Variants in SIRT4 observed in about 807,000 individuals in gnomAD.
SIRT4 encodes sirtuin 4.
Under a neutral mutation model 26.1 loss-of-function variants are expected in SIRT4, and 23 were observed. The ratio of observed to expected loss-of-function variants is 0.88; its 90% CI spans 0.63 to 1.25. SIRT4 has a LOEUF of 1.25. SIRT4 is among the 50% of genes most tolerant of loss of function. SIRT4 has a pLI of 0.00. For synonymous variants in SIRT4, 155 were observed against 158.4 expected (o/e 0.98, Z 0.16); for missense variants, 361 against 405.4 (o/e 0.89, Z 0.94).
At chr12:120,293,028 A>T in the SIRT4 span, 1 of 150,370 alleles carries the variant, frequency 6.7e-6, no homozygotes, top group Non-Finnish European at 1.5e-5. Flanking sequence ...GTACTCTTCA[A>T]CCTCCCAAAA....
the SIRT4 span, chr12:120,293,111 G>C: frequency 2.0e-5 from 3 of 152,118 alleles, no homozygotes; most frequent in East Asian, 3.8e-4. Flanking sequence ...CGTAGAGACT[G>C]TCAAAAATTG....
At chr12:120,301,459 T>C (rs1016226712), upstream of SIRT4, among the ~76,000 whole-genome samples, 2 of 152,230 alleles carry the variant, frequency 1.3e-5, no homozygotes, top group Non-Finnish European at 1.5e-5. Context: ...AATAACTTGA[T>C]ACTGTCGTTG....
Position 120,303,930 on chromosome 12 carries a change from T to G in SIRT4, c.369T>G (p.Pro123=). Residue 123 remains proline (P), a synonymous_variant, in exon 2 of 4, where the codon CCT becomes CCG. Coordinates refer to ENST00000202967, the MANE Select transcript of SIRT4 (RefSeq NM_012240.3). ...AATTCTCCTCCCACCAGCCTAACCC[T>G]GCACACTGGGCTTTGAGCACCTGGG... ...WPQFSSHQPN[P]AHWALSTWEK... is the part of the protein sequence containing the mutation. 1 of 1,614,184 alleles carries G rather than the reference T, an allele frequency of 6.2e-7. No individual in the cohort carries two copies. The highest frequency in any genetic ancestry group is 1.1e-5 in the South Asian group (1 of 91,086).
chr12:120,302,180 A>ACTC, upstream of SIRT4: 1 of 152,312 alleles, frequency 6.6e-6, no homozygotes, highest in African/African-American at 2.4e-5. Context: ...TTTTATATTA[A>ACTC]CGGGGGAACC....
chr12:120,310,696 A>C (rs1442923673), intron 2 of SIRT4, among the ~76,000 whole-genome samples: 1 of 150,656 alleles, frequency 6.6e-6, no homozygotes, highest in Non-Finnish European at 1.5e-5. Context: ...TGATCATGCC[A>C]CTGCACTCCA....
chr12:120,302,045 A>C (rs1210515330), upstream of SIRT4, among the ~76,000 whole-genome samples: 6 of 148,732 alleles, frequency 4.0e-5, no homozygotes, highest in East Asian at 5.8e-4. Context: ...AAAAAAAAAA[A>C]CAACAACTCC....
At position 120,312,743 on chromosome 12, in the gene SIRT4, C is replaced by T. The variant is rs1873041506; in HGVS notation, c.785C>T (p.Ser262Phe). The T allele has an allele frequency of 6.2e-7, 1 of 1,612,204 alleles. No individual in the cohort carries two copies. Among genetic ancestry groups the T allele is most frequent in the East Asian group, 2.2e-5 (1 of 44,894 alleles). The change falls in exon 3 of 4, where the codon TCC becomes TTC. Residue 262 changes from serine (S) to phenylalanine (F), a missense_variant. Physicochemically the swap from Ser to Phe is radical, Grantham distance 155. Coordinates refer to ENST00000202967, the MANE Select transcript of SIRT4 (RefSeq NM_012240.3). ...GACTCCCTCTTGGTGGTGGGATCATCCTTGCAGGTATCTGACTTGGCAAGA... is the reference window on the plus strand; with the variant it reads ...GACTCCCTCTTGGTGGTGGGATCATTCTTGCAGGTATCTGACTTGGCAAGA... Reference protein sequence around the residue: ...EADSLLVVGSSLQVYSGYRFI... With the variant: ...EADSLLVVGSFLQVYSGYRFI...
chr12:120,305,766 A>G (rs1872723468), intron 2 of SIRT4, among the ~76,000 whole-genome samples: 1 of 152,054 alleles, frequency 6.6e-6, no homozygotes, highest in Admixed American at 6.6e-5. Context: ...TAATCCCAAC[A>G]CTTTGGGAGG....
chr12:120,312,768 A>T lies in SIRT4; in HGVS notation c.792+18A>T, dbSNP rs753141847. 5 of 1,608,484 alleles carry T rather than the reference A, an allele frequency of 3.1e-6. No individual in the cohort carries two copies. Among genetic ancestry groups the T allele is most frequent in the Non-Finnish European group, 3.4e-6 (4 of 1,176,584 alleles). On this transcript the variant is annotated intron_variant, in intron 3 of 3. Coordinates refer to ENST00000202967, the MANE Select transcript of SIRT4 (RefSeq NM_012240.3). The stretch of plus-strand genomic sequence containing the variant: ...CCTTGCAGGTATCTGACTTGGCAAG[A>T]GTGGTAACCACCCCTTGTGCGGGAT...
the SIRT4 span, among the ~76,000 whole-genome samples, chr12:120,296,760 T>A: frequency 1.3e-5 from 2 of 151,758 alleles, no homozygotes; most frequent in Admixed American, 1.3e-4. Flanking sequence ...TCCGCCCGCC[T>A]CGGCCTCCCC....
In SIRT4 at chr12:120,303,908, TCTC is replaced by T. The variant is rs774712434; in HGVS notation, c.352_354del (p.Ser118del). 1.2e-6 allele frequency: 2 copies of T among 1,613,914 alleles called. No individual in the cohort carries two copies. The highest frequency in any genetic ancestry group is 1.7e-6 in the Non-Finnish European group (2 of 1,180,012). ...AGAAACTTCGTAGGCTGGCCTCAAT[TCTC>T]CTCCCACCAGCCTAACCCTGCACAC... On this transcript the variant is annotated inframe_deletion, in exon 2 of 4. Transcript: ENST00000202967.
upstream of SIRT4, among the ~76,000 whole-genome samples, chr12:120,299,958 G>C (rs1328335459): frequency 2.0e-5 from 3 of 151,962 alleles, no homozygotes; most frequent in Non-Finnish European, 4.4e-5. Flanking sequence ...TGTTGTCACA[G>C]AGTCAGGGGC....
chr12:120,293,583 CTT>C, the SIRT4 span, among the ~76,000 whole-genome samples: 1 of 152,218 alleles, frequency 6.6e-6, no homozygotes, highest in South Asian at 2.1e-4. Context: ...ATTGTTTTGT[CTT>C]TTTTCTTTTT....
At position 120,312,832 on chromosome 12, in the gene SIRT4, T is replaced by G; in HGVS notation, c.793-52T>G. On this transcript the variant is annotated intron_variant, in intron 3 of 3. Transcript: ENST00000202967. ...GAGACACCCTGTTTGGTTTAACTTT[T>G]TCTAGATCTAGAGAACCTAGACATT... The G allele has an allele frequency of 2.5e-6, 4 of 1,609,956 alleles. No individual in the cohort carries two copies. The South Asian group carries it at 4.4e-5, about 18-fold the overall frequency.
chr12:120,300,169 G>A (rs1872493303), upstream of SIRT4, among the ~76,000 whole-genome samples: 1 of 151,994 alleles, frequency 6.6e-6, no homozygotes, highest in Admixed American at 6.6e-5. Flanking sequence ...GTGGATGCCT[G>A]TGATCTCAGC....
rs758806432 is a variant in SIRT4 at position 120,303,833 on chromosome 12, A to T, written c.272A>T (p.Gln91Leu). The change falls in exon 2 of 4, where the codon CAG (glutamine) becomes CTG (leucine). Residue 91 changes from glutamine to leucine, a missense_variant. Gln to Leu is a moderately radical substitution (Grantham distance 113, BLOSUM62 -2). Transcript: ENST00000202967. ...GCCCGCACTGACCGCAGGCCCATCC[A>T]GCATGGTGATTTTGTCCGGAGTGCC... ...LYARTDRRPI[Q>L]HGDFVRSAPI... The T allele has an allele frequency of 3.1e-6, 5 of 1,614,212 alleles. No homozygotes were observed. In the Admixed American group the frequency reaches 8.3e-5, roughly 27 times the overall value.
chr12:120,312,861 A>G, intron 3 of SIRT4, 23 bp from the exon 4 acceptor site: 2 of 1,613,576 alleles, frequency 1.2e-6, no homozygotes, highest in Non-Finnish European at 1.7e-6. Context: ...AGACATTCTT[A>G]TGTGTGTCTT....
intron 2 of SIRT4, among the ~76,000 whole-genome samples, chr12:120,305,242 C>CGTGTGT (rs34827089): frequency 6.8e-6 from 1 of 147,696 alleles, no homozygotes; most frequent in African/African-American, 2.5e-5. Context: ...TGTGTGTGCA[C>CGTGTGT]GTGTGTGTGT....
At chr12:120,303,511 A>G (rs200331091) in intron 1 of SIRT4, 50 bp from the exon 2 acceptor site, 57 of 1,006,498 alleles carry the variant, frequency 5.7e-5, no homozygotes, top group Non-Finnish European at 7.3e-5. Flanking sequence ...AAAAAATGAG[A>G]AAAAAAAAAA....
Sources: gnomAD v4.1 joint callset for allele counts (sites outside exome capture counted in the v4.1 genomes callset) on GRCh38, gnomAD v4.1.1 for gene constraint, MANE v1.5 for transcripts, NCBI Gene and HGNC (gene_info 2026-07-23, HGNC 2026-07-21) for gene names.